The following FMN2 variants were observed in gnomAD, a reference collection of about 807,000 sequenced individuals.
FMN2 encodes formin-2.
In FMN2, 51 loss-of-function variants were observed where a neutral mutation model predicts 142.3. The observed-to-expected ratio is 0.36, with a 90% confidence interval of 0.29 to 0.45. The LOEUF (loss-of-function observed/expected upper bound fraction) is 0.45. FMN2 is among the 20% of genes least tolerant of loss of function. The pLI is 1.00. For synonymous variants in FMN2, 882 were observed against 869.8 expected (o/e 1.01, Z -0.25); for missense variants, 1,936 against 2,122.8 (o/e 0.91, Z 1.73).
intron 6 of FMN2, among the ~76,000 whole-genome samples, chr1:240,237,443 C>G (rs1329123297): frequency 6.6e-6 from 1 of 152,136 alleles, no homozygotes; most frequent in Non-Finnish European, 1.5e-5. Context: ...AGTTTCCTAC[C>G]CTGTAGAACT....
intron 2 of FMN2, among the ~76,000 whole-genome samples, chr1:240,159,931 ATTTGTG>A (rs763589124): frequency 0.19 from 23,939 of 125,996 alleles, 2,279 homozygotes; most frequent in South Asian, 0.3. Context: ...ATATATATAT[ATTTGTG>A]TATATATATA....
At chr1:240,402,862 G>T (rs1674035759) in intron 15 of FMN2, among the ~76,000 whole-genome samples, 2 of 152,230 alleles carry the variant, frequency 1.3e-5, no homozygotes, top group African/African-American at 2.4e-5. Flanking sequence ...ATTACTTAAT[G>T]AACTAAGGCT....
intron 3 of FMN2, among the ~76,000 whole-genome samples, chr1:240,182,512 A>G (rs551302858): frequency 6.6e-6 from 1 of 152,314 alleles, no homozygotes; most frequent in East Asian, 1.9e-4. Context: ...TTTCATGTGA[A>G]AATCCTTTAA....
intron 1 of FMN2, among the ~76,000 whole-genome samples, chr1:240,113,685 A>G (rs552918924): frequency 9.2e-5 from 14 of 152,200 alleles, no homozygotes; most frequent in African/African-American, 3.4e-4. Context: ...ATTCTCAATT[A>G]TCAAATGCAG....
intron 13 of FMN2, among the ~76,000 whole-genome samples, chr1:240,346,696 C>A (rs753667849): frequency 6.6e-5 from 10 of 152,010 alleles, no homozygotes; most frequent in Admixed American, 4.6e-4. Context: ...CTTTAATAAT[C>A]GTATACAAGA....
At chr1:240,103,712 A>G (rs753872467) in intron 1 of FMN2, among the ~76,000 whole-genome samples, 1 of 152,020 alleles carries the variant, frequency 6.6e-6, no homozygotes, top group Non-Finnish European at 1.5e-5. Flanking sequence ...TTTGTCCACA[A>G]CCTGCGTTTC....
At chr1:240,186,145 A>G (rs1665439081) in intron 3 of FMN2, among the ~76,000 whole-genome samples, 1 of 152,202 alleles carries the variant, frequency 6.6e-6, no homozygotes, top group Admixed American at 6.5e-5. Context: ...TTTAAAATAT[A>G]TACTCCTAGC....
chr1:240,298,315 A>G (rs1670065516), intron 8 of FMN2, among the ~76,000 whole-genome samples: 1 of 152,214 alleles, frequency 6.6e-6, no homozygotes, highest in African/African-American at 2.4e-5. Context: ...TGCGTATTTT[A>G]TATGCCAATA....
chr1:240,384,083 G>T (rs970892560), intron 14 of FMN2, among the ~76,000 whole-genome samples: 8 of 152,158 alleles, frequency 5.3e-5, no homozygotes, highest in Non-Finnish European at 1.2e-4. Context: ...TCACTTTCAA[G>T]TGGGAGCTAA....
At chr1:240,200,733 G>A (rs1666091501) in intron 4 of FMN2, among the ~76,000 whole-genome samples, 1 of 152,122 alleles carries the variant, frequency 6.6e-6, no homozygotes, top group South Asian at 2.1e-4. Context: ...ATTCTAGCAG[G>A]TTGGTTTTTT....
At chr1:240,348,154 C>T (rs1671970158) in intron 13 of FMN2, among the ~76,000 whole-genome samples, 1 of 152,080 alleles carries the variant, frequency 6.6e-6, no homozygotes, top group Non-Finnish European at 1.5e-5. Context: ...GACTAATTTA[C>T]ATCCTCATCA....
chr1:240,287,484 C>G (rs113570722), intron 7 of FMN2, among the ~76,000 whole-genome samples: 38 of 152,310 alleles, frequency 2.5e-4, no homozygotes, highest in African/African-American at 8.7e-4. Flanking sequence ...TGTGTTTAAG[C>G]TTCTGCTGAC....
At chr1:240,136,214 G>A (rs10754692) in intron 2 of FMN2, among the ~76,000 whole-genome samples, 42,744 of 151,930 alleles carry the variant, frequency 0.28, 6,919 homozygotes, top group Non-Finnish European at 0.37. Context: ...TGCCATTTAT[G>A]TATCTTATTT....
At chr1:240,190,908 GTTA>G (rs964201008) in intron 4 of FMN2, among the ~76,000 whole-genome samples, 4 of 152,068 alleles carry the variant, frequency 2.6e-5, no homozygotes, top group African/African-American at 7.2e-5. Context: ...TTAGTGCTTT[GTTA>G]TTATGTAAAA....
chr1:240,211,285 G>A, intron 6 of FMN2, 50 bp downstream of exon 6: 1 of 1,565,988 alleles, frequency 6.4e-7, no homozygotes, highest in Non-Finnish European at 8.7e-7. Context: ...TGGCATAAGT[G>A]TGAACTGTCA....
intron 6 of FMN2, among the ~76,000 whole-genome samples, chr1:240,244,974 A>C (rs1253131740): frequency 5.3e-5 from 8 of 152,230 alleles, no homozygotes; most frequent in Non-Finnish European, 1.2e-4. Context: ...ACAGTAAGCA[A>C]TATGACACAG....
intron 1 of FMN2, among the ~76,000 whole-genome samples, chr1:240,115,432 A>T (rs992355691): frequency 3.3e-5 from 5 of 152,192 alleles, no homozygotes; most frequent in African/African-American, 1.2e-4. Flanking sequence ...TTTACCTAGA[A>T]TAGCTTTTAT....
chr1:240,104,278 C>T (rs1661524849), intron 1 of FMN2, among the ~76,000 whole-genome samples: 3 of 151,414 alleles, frequency 2.0e-5, no homozygotes, highest in African/African-American at 7.3e-5. Flanking sequence ...GTTTTGTCAC[C>T]TCATTGTTCA....
intron 14 of FMN2, among the ~76,000 whole-genome samples, chr1:240,359,122 C>T (rs4659968): frequency 0.32 from 48,114 of 151,992 alleles, 7,950 homozygotes; most frequent in Admixed American, 0.44. Context: ...AAGACTCTGT[C>T]TCAAAAATTT....
Sources: allele counts gnomAD v4.1 joint callset (sites outside exome capture counted in the v4.1 genomes callset), GRCh38; gene constraint gnomAD v4.1.1; transcripts MANE v1.5; gene names NCBI Gene and HGNC (gene_info 2026-07-23, HGNC 2026-07-21).